The following FGD4 variants were observed in gnomAD, a reference collection of about 807,000 sequenced individuals.
FGD4 encodes FYVE, RhoGEF and PH domain-containing protein 4.
FGD4 carries 42 observed loss-of-function variants against 102.0 expected under a neutral mutation model. The ratio of observed to expected loss-of-function variants is 0.41; its 90% CI spans 0.32 to 0.53. The LOEUF is 0.53. FGD4 is among the 20% of genes least tolerant of loss of function. The probability of loss-of-function intolerance (pLI) is 0.21; values close to 1 mark genes in which losing one functional copy is unlikely to be tolerated. For synonymous variants in FGD4, 380 were observed against 375.7 expected, an observed-to-expected ratio of 1.01 and a Z score of -0.13; for missense variants, 902 against 1,078.2, an observed-to-expected ratio of 0.84 and a Z score of 2.29.
At chr12:32,633,492 C>G in intron 14 of FGD4, 57 bp from the exon 15 acceptor site, 1 of 1,539,012 alleles carries the variant, frequency 6.5e-7, no homozygotes, top group South Asian at 1.1e-5. Context: ...TAACTGATTA[C>G]TGCTTAAATC....
At chr12:32,423,189 T>G (rs1941705338) in intron 1 of FGD4, among the ~76,000 whole-genome samples, 1 of 152,204 alleles carries the variant, frequency 6.6e-6, no homozygotes. Context: ...TATTACTGGG[T>G]GAACCCCAAA....
intron 1 of FGD4, among the ~76,000 whole-genome samples, chr12:32,403,755 C>A (rs12579437): frequency 0.09 from 13,630 of 151,908 alleles, 2,003 homozygotes; most frequent in African/African-American, 0.3. Context: ...CACCACCATG[C>A]CCAGCTAATT....
At chr12:32,536,079 AAC>A (rs1179624637) in intron 1 of FGD4, among the ~76,000 whole-genome samples, 1 of 151,602 alleles carries the variant, frequency 6.6e-6, no homozygotes, top group Non-Finnish European at 1.5e-5. Context: ...GTTATTTTAT[AAC>A]AGTTTTTTTT....
chr12:32,620,520 CTTTTTTTTTTTTT>C (rs1233071153), intron 11 of FGD4, among the ~76,000 whole-genome samples: 1 of 91,136 alleles, frequency 1.1e-5, no homozygotes, highest in African/African-American at 4.6e-5. Context: ...TTTTTTCTTT[CTTTTTTTTTTTTT>C]TTTTTTTTTT....
At chr12:32,418,689 C>G (rs1014146321) in intron 1 of FGD4, among the ~76,000 whole-genome samples, 2 of 152,134 alleles carry the variant, frequency 1.3e-5, no homozygotes, top group African/African-American at 2.4e-5. Context: ...CGATCTTGCC[C>G]AAGGCCCGGT....
intron 1 of FGD4, among the ~76,000 whole-genome samples, chr12:32,490,181 A>G (rs557560635): frequency 2.6e-5 from 4 of 152,150 alleles, no homozygotes; most frequent in African/African-American, 7.2e-5. Context: ...TGGAGTGACT[A>G]TCCTTTGCCC....
intron 4 of FGD4, among the ~76,000 whole-genome samples, chr12:32,591,379 C>G (rs1947463974): frequency 6.6e-6 from 1 of 152,062 alleles, no homozygotes; most frequent in Non-Finnish European, 1.5e-5. Flanking sequence ...TTCTTCCTAC[C>G]TAAAATGAAA....
At chr12:32,443,343 GT>G (rs1309865884) in intron 1 of FGD4, among the ~76,000 whole-genome samples, 3 of 151,904 alleles carry the variant, frequency 2.0e-5, no homozygotes, top group African/African-American at 7.3e-5. Context: ...AAGACCCCTG[GT>G]TTTTTTGGTT....
chr12:32,476,015 C>T (rs1324468975), intron 1 of FGD4, among the ~76,000 whole-genome samples: 1 of 152,130 alleles, frequency 6.6e-6, no homozygotes, highest in African/African-American at 2.4e-5. Context: ...AGCCAGTTGG[C>T]ACTTTTGACA....
rs547499054 is a variant in FGD4, at chr12:32,596,961, G to C, written c.1012-1536G>C. Among the ~76,000 whole-genome samples the C allele has an allele frequency of 4.0e-5, 6 of 150,908 alleles. No homozygotes were observed. In the East Asian group the frequency reaches 1.2e-3, roughly 29 times the overall value. On this transcript the variant is annotated intron_variant, in intron 4 of 16. Transcript: ENST00000534526. Reference sequence around the variant, plus strand: ...AAAAAAAAAAAAAACAAAAAGAGAAGTACATGGAAGGATATAACTTTGTTA... The same window carrying C: ...AAAAAAAAAAAAAACAAAAAGAGAACTACATGGAAGGATATAACTTTGTTA...
chr12:32,575,899 T>G (rs1946088011), intron 2 of FGD4, among the ~76,000 whole-genome samples: 1 of 152,236 alleles, frequency 6.6e-6, no homozygotes, highest in Non-Finnish European at 1.5e-5. Flanking sequence ...ACAATGTATC[T>G]CTAGGATTTA....
At chr12:32,454,691 G>C (rs1046727444) in intron 1 of FGD4, among the ~76,000 whole-genome samples, 5 of 151,988 alleles carry the variant, frequency 3.3e-5, no homozygotes, top group Non-Finnish European at 4.4e-5. Context: ...TAGTAGTTTT[G>C]TTTTACTTTT....
At chr12:32,400,655 C>T (rs1940623486) in intron 1 of FGD4, among the ~76,000 whole-genome samples, 2 of 152,102 alleles carry the variant, frequency 1.3e-5, no homozygotes, top group Admixed American at 6.6e-5. Flanking sequence ...TTCTCTTCTC[C>T]CCAGGCGAGT....
At chr12:32,561,232 G>A (rs982655102) in intron 1 of FGD4, among the ~76,000 whole-genome samples, 28 of 151,476 alleles carry the variant, frequency 1.8e-4, no homozygotes, top group Non-Finnish European at 3.4e-4. Context: ...GATTACAGGC[G>A]CCCACCACCA....
At chr12:32,546,778 T>C (rs893898680) in intron 1 of FGD4, among the ~76,000 whole-genome samples, 1 of 152,034 alleles carries the variant, frequency 6.6e-6, no homozygotes, top group African/African-American at 2.4e-5. Flanking sequence ...GAGAAGCAAA[T>C]GTAGGTCAGA....
At chr12:32,596,279 G>A (rs1263732504) in intron 4 of FGD4, among the ~76,000 whole-genome samples, 1 of 152,212 alleles carries the variant, frequency 6.6e-6, no homozygotes, top group Admixed American at 6.5e-5. Context: ...TGGAAATGCA[G>A]CAGTCAAAAG....
chr12:32,607,506 G>GT (rs1948853932), intron 7 of FGD4, among the ~76,000 whole-genome samples: 1 of 149,872 alleles, frequency 6.7e-6, no homozygotes, highest in Admixed American at 6.6e-5. Flanking sequence ...TCAGAAATCT[G>GT]TTTTCTGTTG....
At chr12:32,528,051 G>C (rs1248414189) in intron 1 of FGD4, among the ~76,000 whole-genome samples, 4 of 151,890 alleles carry the variant, frequency 2.6e-5, no homozygotes, top group African/African-American at 7.3e-5. Context: ...TGCAGCCTCT[G>C]CCTCAGCCTC....
intron 1 of FGD4, chr12:32,485,861 T>G (rs1943882002): frequency 8.1e-7 from 1 of 1,235,254 alleles, no homozygotes; most frequent in Middle Eastern, 3.2e-4. Context: ...GCTCTCTCAG[T>G]ACATTTTGAA....
Sources: allele counts gnomAD v4.1 joint callset (sites outside exome capture counted in the v4.1 genomes callset), GRCh38; gene constraint gnomAD v4.1.1; transcripts MANE v1.5; gene names NCBI Gene and HGNC (gene_info 2026-07-23, HGNC 2026-07-21).